Variants in ARHGAP39 observed in about 807,000 individuals in gnomAD.
ARHGAP39 encodes rho GTPase-activating protein 39.
A neutral mutation model predicts 106.9 loss-of-function variants in ARHGAP39; 44 were observed. The ratio of observed to expected loss-of-function variants is 0.41; its 90% confidence interval spans 0.32 to 0.53. The LOEUF (loss-of-function observed/expected upper bound fraction) is 0.53, where lower values mean the gene tolerates loss of function less well. Among genes scored for constraint, ARHGAP39 ranks in the 20% least tolerant of loss-of-function variants. The pLI is 0.21. For missense variants in ARHGAP39, 1,496 were observed against 1,577.3 expected (o/e 0.95, Z 0.87); for synonymous variants, 768 against 693.2 (o/e 1.11, Z -1.69).
chr8:144,676,015 G>A (rs1822227457), intron 1 of ARHGAP39, among the ~76,000 whole-genome samples: 1 of 152,212 alleles, frequency 6.6e-6, no homozygotes, highest in South Asian at 2.1e-4. Flanking sequence ...CTGGCTTCAG[G>A]AGTGAAGCTG....
chr8:144,632,629 G>A (rs770243798), intron 1 of ARHGAP39, among the ~76,000 whole-genome samples: 14 of 152,326 alleles, frequency 9.2e-5, no homozygotes, highest in Middle Eastern at 3.4e-3. Context: ...AGACAGGGCA[G>A]CAGGATTGCC....
chr8:144,668,690 T>C (rs762880627), intron 1 of ARHGAP39, among the ~76,000 whole-genome samples: 3 of 152,180 alleles, frequency 2.0e-5, no homozygotes, highest in Non-Finnish European at 2.9e-5. Context: ...ACATTCCATG[T>C]TCATGAAATG....
chr8:144,589,811 G>A (rs902967642), intron 2 of ARHGAP39, among the ~76,000 whole-genome samples: 8 of 152,212 alleles, frequency 5.3e-5, no homozygotes, highest in African/African-American at 1.2e-4. Context: ...CAGCCCAGGC[G>A]CCTGTGAGGT....
Position 144,530,750 on chromosome 8 carries a change from C to A in ARHGAP39, c.3102G>T (p.Leu1034=). ...PEAAVAVVHA[L]PRINRMVLCY... is the part of the protein sequence containing the mutation. Reference sequence around the variant, plus strand: ...ACAGCACCATGCGGTTGATGCGGGGCAGCGCGTGCACCACGGCCACCGCCG... The same window carrying A: ...ACAGCACCATGCGGTTGATGCGGGGAAGCGCGTGCACCACGGCCACCGCCG... The change falls in exon 11 of 12, where the codon CTG becomes CTT. Residue 1034 remains leucine (L), a synonymous_variant. Transcript: ENST00000377307. The A allele has an allele frequency of 6.2e-7, 1 of 1,610,128 alleles. No individual in the cohort carries two copies. The highest frequency in any genetic ancestry group is 8.5e-7 in the Non-Finnish European group (1 of 1,178,812).
chr8:144,651,121 C>T (rs915543016), intron 1 of ARHGAP39, among the ~76,000 whole-genome samples: 2 of 151,964 alleles, frequency 1.3e-5, no homozygotes, highest in Non-Finnish European at 2.9e-5. Flanking sequence ...ACAGCCAAGT[C>T]GAGAGTCAAA....
chr8:144,609,999 AATAG>A (rs1820434289), intron 1 of ARHGAP39, among the ~76,000 whole-genome samples: 1 of 152,230 alleles, frequency 6.6e-6, no homozygotes, highest in Non-Finnish European at 1.5e-5. Context: ...GAATCTATTT[AATAG>A]ATACAGAGCT....
chr8:144,632,383 C>A (rs1057096600), intron 1 of ARHGAP39, among the ~76,000 whole-genome samples: 1 of 152,244 alleles, frequency 6.6e-6, no homozygotes, highest in Non-Finnish European at 1.5e-5. Context: ...TCCAGCCGCA[C>A]TGGAGCAGCC....
chr8:144,545,163 G>C, intron 6 of ARHGAP39, 86 bp downstream of exon 6: 1 of 1,284,364 alleles, frequency 7.8e-7, no homozygotes, highest in Non-Finnish European at 1.0e-6. Flanking sequence ...GGCCGCCAGG[G>C]ACTTCACCAG....
rs1395629725 is a variant in ARHGAP39, at chr8:144,579,393, GT to G, written c.512+1452del. On this transcript the variant is annotated intron_variant, in intron 3 of 11. Coordinates refer to ENST00000377307, the MANE Select transcript of ARHGAP39 (RefSeq NM_025251.3). Reference sequence around the variant, plus strand: ...GAACCCTCATATTTGCTGGTGGGATGTGAAATGTAGGCCCTGGTCCTCTTTG... The same window carrying G: ...GAACCCTCATATTTGCTGGTGGGATGGAAATGTAGGCCCTGGTCCTCTTTG... 5.9e-5 allele frequency among the ~76,000 whole-genome samples: 9 copies of G among 152,212 alleles called. No homozygotes were observed. In the East Asian group the frequency reaches 1.7e-3, roughly 29 times the overall value.
chr8:144,531,225 G>A lies in ARHGAP39; in HGVS notation c.2981-354C>T, dbSNP rs1455287576. ...GGTGGGGAGTGGGCTAGACATAGCA[G>A]GCACGGCAGAAGGGCACAGGGCAGC... On this transcript the variant is annotated intron_variant, in intron 10 of 11. Coordinates refer to ENST00000377307, the MANE Select transcript of ARHGAP39 (RefSeq NM_025251.3). Among the ~76,000 whole-genome samples the A allele has an allele frequency of 4.2e-3, 534 of 126,416 alleles. 22 individuals carry two copies. Among genetic ancestry groups the A allele is most frequent in the African/African-American group, 0.018 (507 of 27,912 alleles). The allele number at this position is 126,416 out of a possible 152,430, so 82.9% of individuals were successfully genotyped here.
At chr8:144,541,389 AC>A in intron 6 of ARHGAP39, among the ~76,000 whole-genome samples, 1 of 152,234 alleles carries the variant, frequency 6.6e-6, no homozygotes, top group Non-Finnish European at 1.5e-5. Context: ...TTGGTAAAAT[AC>A]ACATAAAATT....
intron 1 of ARHGAP39, among the ~76,000 whole-genome samples, chr8:144,660,616 A>G (rs1364759911): frequency 6.6e-6 from 1 of 152,182 alleles, no homozygotes; most frequent in East Asian, 1.9e-4. Context: ...TTCTCTCAGG[A>G]TCTTGGCCCA....
chr8:144,673,893 G>A (rs1169206011), intron 1 of ARHGAP39, among the ~76,000 whole-genome samples: 1 of 152,244 alleles, frequency 6.6e-6, no homozygotes. Context: ...GCTGCTCCAG[G>A]TGCCAGCTCT....
chr8:144,571,720 T>C (rs1818593703), intron 3 of ARHGAP39, among the ~76,000 whole-genome samples: 1 of 152,240 alleles, frequency 6.6e-6, no homozygotes, highest in Admixed American at 6.5e-5. Context: ...GCAGATGACA[T>C]GATTGTATAT....
chr8:144,606,610 AAGGAGGAGG>A (rs537326469), intron 1 of ARHGAP39, among the ~76,000 whole-genome samples: 1 of 150,760 alleles, frequency 6.6e-6, no homozygotes, highest in Non-Finnish European at 1.5e-5. Flanking sequence ...GGAGGAGGAG[AAGGAGGAGG>A]AGGAGGAGGA....
At chr8:144,601,875 G>A (rs191624115) in intron 2 of ARHGAP39, among the ~76,000 whole-genome samples, 24 of 138,710 alleles carry the variant, frequency 1.7e-4, no homozygotes, top group Non-Finnish European at 2.4e-4. Context: ...GCGAGCTCAC[G>A]TACCTGTGTG....
intron 1 of ARHGAP39, among the ~76,000 whole-genome samples, chr8:144,675,196 TGCCATTAGAATCATACAG>T (rs1331680264): frequency 2.0e-5 from 3 of 152,184 alleles, no homozygotes; most frequent in Non-Finnish European, 2.9e-5. Flanking sequence ...AAGCCACCAA[TGCCATTAGAATCATACAG>T]TATGTCTCCA....
intron 1 of ARHGAP39, among the ~76,000 whole-genome samples, chr8:144,658,111 C>T (rs534775849): frequency 6.6e-6 from 1 of 152,092 alleles, no homozygotes; most frequent in East Asian, 1.9e-4. Context: ...GCATTTCTTT[C>T]TTTCTTCTTT....
At position 144,641,682 on chromosome 8, in the gene ARHGAP39, T is replaced by C. The variant is rs554579372; in HGVS notation, c.-81-35987A>G. ...CGAGGATGTGGCTTCATGGGCTCTA[T>C]TTAGGAGGGGAGCTCGGGAAGAAGA... is the stretch of plus-strand genomic sequence containing the variant. On this transcript the variant is annotated intron_variant, in intron 1 of 11. Coordinates refer to ENST00000377307, the MANE Select transcript of ARHGAP39 (RefSeq NM_025251.3). This position sits in a 1 kb window ranked among gnomAD's most constrained non-coding sequence, Gnocchi z 5.2. 1.7e-3 allele frequency among the ~76,000 whole-genome samples: 259 copies of C among 152,308 alleles called. 2 individuals carry two copies. Among genetic ancestry groups the C allele is most frequent in the African/African-American group, 5.8e-3 (243 of 41,576 alleles).
Sources: allele counts gnomAD v4.1 joint callset (sites outside exome capture counted in the v4.1 genomes callset), GRCh38; gene constraint gnomAD v4.1.1; non-coding constraint Gnocchi (gnomAD v3.1); transcripts MANE v1.5; gene names NCBI Gene and HGNC (gene_info 2026-07-23, HGNC 2026-07-21).